EXOC3L4: variants seen among roughly 807,000 people sequenced by gnomAD.
The protein encoded by EXOC3L4 is exocyst complex component 3 like 4, also known as exocyst complex component 3-like protein 4.
Under a neutral mutation model 69.7 loss-of-function variants are expected in EXOC3L4, and 62 were observed. The observed-to-expected ratio is 0.89, with a 90% confidence interval of 0.72 to 1.10. The LOEUF (loss-of-function observed/expected upper bound fraction) is 1.10, where lower values mean the gene tolerates loss of function less well. Ranked by LOEUF, EXOC3L4 falls within the 50% of genes least tolerant of loss-of-function variation. The pLI, the probability that EXOC3L4 is intolerant of heterozygous loss-of-function variation, is 0.00. For synonymous variants in EXOC3L4, 502 were observed against 464.2 expected (o/e 1.08, Z -1.05); for missense variants, 1,087 against 1,034.8 (o/e 1.05, Z -0.69).
chr14:103,108,537 C>T lies in EXOC3L4; in HGVS notation c.1976+20C>T, dbSNP rs1157439801. On this transcript the variant is annotated intron_variant, in intron 11 of 11. Coordinates refer to ENST00000688303, the MANE Select transcript of EXOC3L4 (RefSeq NM_001077594.2). ...CATCAGGTGTGTACCCCACCTGCTT[C>T]CACTAGCTTCCTACCAGAGCTTCAG... 2 of 1,608,936 alleles carry T rather than the reference C, an allele frequency of 1.2e-6. No individual in the cohort carries two copies. Among genetic ancestry groups the T allele is most frequent in the East Asian group, 2.2e-5 (1 of 44,858 alleles).
At position 103,103,791 on chromosome 14, in the gene EXOC3L4, C is replaced by CGTGTGTGTGTGT. The variant is rs759189510; in HGVS notation, c.1050-149_1050-148insTGTGTGTGTGTG. On this transcript the variant is annotated intron_variant, in intron 3 of 11. Transcript: ENST00000688303. ...GGTGTGGCATGGCAGCCTAGAGGCG[C>CGTGTGTGTGTGT]GCGCGCGTGTGTGTGTGTGTGTGTG... The CGTGTGTGTGTGT allele has an allele frequency of 1.2e-4, 56 of 459,316 alleles. No individual in the cohort carries two copies. In the African/African-American group the frequency reaches 1.3e-3, roughly 11 times the overall value. 28.5% of individuals were successfully genotyped at this position (459,316 alleles called of 1,614,324 possible).
At position 103,110,466 on chromosome 14, in the gene EXOC3L4, C is replaced by CGGGGG; in HGVS notation, c.*248_*252dup. 1 of 574,112 alleles carries CGGGGG rather than the reference C, an allele frequency of 1.7e-6. No individual in the cohort carries two copies. Among genetic ancestry groups the CGGGGG allele is most frequent in the South Asian group, 1.7e-5 (1 of 60,560 alleles). The allele number at this position is 574,112 out of a possible 1,614,324, so 35.6% of individuals were successfully genotyped here. ...AGAGCTCTCAATGCTGCCTATCGGGCGGGGGGGGGCCTCCCGCCCGACTGT... is the reference window on the plus strand; with the variant it reads ...AGAGCTCTCAATGCTGCCTATCGGGCGGGGGGGGGGGGGGCCTCCCGCCCGACTGT... On this transcript the variant is annotated 3_prime_UTR_variant, in exon 12 of 12. Coordinates refer to ENST00000688303, the MANE Select transcript of EXOC3L4 (RefSeq NM_001077594.2).
chr14:103,109,939 A>T, intron 11 of EXOC3L4, 92 bp from the exon 12 acceptor site: 1 of 1,340,548 alleles, frequency 7.5e-7, no homozygotes, highest in Non-Finnish European at 1.0e-6. Flanking sequence ...AGTGACTCAT[A>T]CTAACTCCCA....
chr14:103,100,757 C>G, intron 2 of EXOC3L4, 144 bp downstream of exon 2: 1 of 1,162,014 alleles, frequency 8.6e-7, no homozygotes, highest in Non-Finnish European at 1.2e-6. Flanking sequence ...TTATTTGAGA[C>G]AGGGTCTCCA....
chr14:103,106,663 A>T (rs1168509660), intron 7 of EXOC3L4, 122 bp from the exon 8 acceptor site: 2 of 608,252 alleles, frequency 3.3e-6, no homozygotes, highest in East Asian at 5.9e-5. Context: ...GACAGCTACA[A>T]TGGGGAGCCC....
At position 103,103,635 on chromosome 14, in the gene EXOC3L4, C is replaced by G. The variant is rs538150100; in HGVS notation, c.1050-306C>G. On this transcript the variant is annotated intron_variant, in intron 3 of 11. Coordinates refer to ENST00000688303, the MANE Select transcript of EXOC3L4 (RefSeq NM_001077594.2). ...CCGTGTCCGCCCTGCTGTGGGCCTC[C>G]GTGCTGCGGGTTGGAGGGTGGCCGA... is the stretch of plus-strand genomic sequence containing the variant. The G allele has an allele frequency of 1.6e-4, 57 of 352,098 alleles. 1 individual carries two copies. In the South Asian group the frequency reaches 2.3e-3, roughly 14 times the overall value. 21.8% of individuals were successfully genotyped at this position (352,098 alleles called of 1,614,324 possible).
Position 103,108,496 on chromosome 14 carries a change from T to C in EXOC3L4, c.1955T>C (p.Ile652Thr). ...DDIQRHLETLIRSYPDIRRDH... is the reference protein window; with the variant it reads ...DDIQRHLETLTRSYPDIRRDH... Reference sequence around the variant, plus strand: ...ATCCAGCGGCACCTGGAGACTCTTATCCGGAGCTACCCCGACATCAGGTGT... The same window carrying C: ...ATCCAGCGGCACCTGGAGACTCTTACCCGGAGCTACCCCGACATCAGGTGT... Residue 652 changes from isoleucine to threonine, a missense_variant, in exon 11 of 12, where the codon ATC becomes ACC. Physicochemically the swap from Ile to Thr is moderately conservative, Grantham distance 89. Transcript: ENST00000688303. 6.2e-7 allele frequency: 1 copy of C among 1,613,882 alleles called. No individual in the cohort carries two copies. The highest frequency in any genetic ancestry group is 8.5e-7 in the Non-Finnish European group (1 of 1,179,844).
chr14:103,094,249 T>C (rs7160202), upstream of EXOC3L4, among the ~76,000 whole-genome samples: 122,644 of 152,058 alleles, frequency 0.81, 49,867 homozygotes, highest in African/African-American at 0.84. Context: ...GAATGGCATG[T>C]GGCTCTCAAC....
intron 1 of EXOC3L4, among the ~76,000 whole-genome samples, chr14:103,098,446 C>T (rs1348378135): frequency 1.3e-5 from 2 of 152,150 alleles, no homozygotes; most frequent in Non-Finnish European, 2.9e-5. Context: ...TCAGGTTCCT[C>T]ATCTGTGAAA....
At chr14:103,102,060 G>T in intron 2 of EXOC3L4, 58 bp from the exon 3 acceptor site, 1 of 1,519,486 alleles carries the variant, frequency 6.6e-7, no homozygotes, top group Non-Finnish European at 8.9e-7. Flanking sequence ...GCAGGTCTTC[G>T]TCCAGGTTCG....
At chr14:103,095,415 G>T (rs563880119) in intron 1 of EXOC3L4, among the ~76,000 whole-genome samples, 4 of 152,340 alleles carry the variant, frequency 2.6e-5, no homozygotes, top group South Asian at 4.1e-4. Flanking sequence ...AACATGGTAT[G>T]GGCTCAGCTG....
At chr14:103,108,151 T>A (rs1890679299) in intron 10 of EXOC3L4, among the ~76,000 whole-genome samples, 1 of 152,104 alleles carries the variant, frequency 6.6e-6, no homozygotes, top group Admixed American at 6.5e-5. Context: ...TGGCCTCGGT[T>A]TTCCTGTCCA....
rs1020236062 is a variant in EXOC3L4 at position 103,100,687 on chromosome 14, C to T, written c.394+74C>T. The T allele has an allele frequency of 2.5e-5, 37 of 1,477,844 alleles. No homozygotes were observed. The East Asian group carries it at 2.9e-4, about 11-fold the overall frequency. 91.5% of individuals were successfully genotyped at this position (1,477,844 alleles called of 1,614,324 possible). On this transcript the variant is annotated intron_variant, in intron 2 of 11. Coordinates refer to ENST00000688303, the MANE Select transcript of EXOC3L4 (RefSeq NM_001077594.2). ...GTCAGGGCAGCTCAGCTGAGGTTTC[C>T]GGAAAGGCTGTCCTCCCTAGCTCCC...
In EXOC3L4 at chr14:103,107,553, G is replaced by C. The variant is rs1303760265; in HGVS notation, c.1701+10G>C. 1.2e-6 allele frequency: 2 copies of C among 1,613,288 alleles called. No individual in the cohort carries two copies. Among genetic ancestry groups the C allele is most frequent in the Admixed American group, 1.7e-5 (1 of 60,008 alleles). On this transcript the variant is annotated intron_variant, in intron 9 of 11. Coordinates refer to ENST00000688303, the MANE Select transcript of EXOC3L4 (RefSeq NM_001077594.2). The stretch of plus-strand genomic sequence containing the variant: ...CCGGCCGCGGGCACAGGTACCACAA[G>C]GGGGAGGGCCCTGGCAGGGCTGTGC...
chr14:103,103,942 C>T lies in EXOC3L4; in HGVS notation c.1051C>T (p.Pro351Ser). The change falls in exon 4 of 12, where the codon CCT becomes TCT. Residue 351 changes from proline to serine, a missense_variant and splice_region_variant. Pro to Ser is a moderately conservative substitution (Grantham distance 74, BLOSUM62 -1). Transcript: ENST00000688303. ...CCAGCCCCCTGCCCTGTCTTCCAGT[C>T]CTGACTTCCTGGGCGCCCCGGGGCT... ...LDWAANVYGSPDFLGAPGLAL... is the reference protein window; with the variant it reads ...LDWAANVYGSSDFLGAPGLAL... 1 of 1,541,038 alleles carries T rather than the reference C, an allele frequency of 6.5e-7. No individual in the cohort carries two copies. Among genetic ancestry groups the T allele is most frequent in the Non-Finnish European group, 8.7e-7 (1 of 1,148,758 alleles).
At chr14:103,108,056 C>T (rs924503294) in intron 10 of EXOC3L4, among the ~76,000 whole-genome samples, 2 of 152,164 alleles carry the variant, frequency 1.3e-5, no homozygotes, top group Admixed American at 1.3e-4. Flanking sequence ...TGGGAGGTGT[C>T]CCCCACCTCA....
At chr14:103,106,671 C>G in intron 7 of EXOC3L4, 114 bp from the exon 8 acceptor site, 1 of 619,098 alleles carries the variant, frequency 1.6e-6, no homozygotes, top group Non-Finnish European at 2.8e-6. Flanking sequence ...CAATGGGGAG[C>G]CCCACGGGCT....
intron 8 of EXOC3L4, 79 bp from the exon 9 acceptor site, chr14:103,107,345 T>C: frequency 6.4e-7 from 1 of 1,560,068 alleles, no homozygotes; most frequent in Non-Finnish European, 8.7e-7. Flanking sequence ...GGGTCAGGAG[T>C]GGCACACTGG....
rs979043223 is a variant in EXOC3L4 at position 103,104,590 on chromosome 14, G to A, written c.1285-148G>A. 13 of 1,233,684 alleles carry A rather than the reference G, an allele frequency of 1.1e-5. No homozygotes were observed. In the African/African-American group the frequency reaches 2.1e-4, roughly 20 times the overall value. 76.4% of individuals were successfully genotyped at this position (1,233,684 alleles called of 1,614,324 possible). A position where few individuals can be genotyped will look rare whatever the true frequency, so the allele number is the denominator to read the frequency against. ...TGCTGGATGGGAGTTTGCGGGAGTT[G>A]ACTCTCCAGTTGGGCGGCTGAAAGC... is the stretch of plus-strand genomic sequence containing the variant. On this transcript the variant is annotated intron_variant, in intron 5 of 11. Coordinates refer to ENST00000688303, the MANE Select transcript of EXOC3L4 (RefSeq NM_001077594.2).
Sources: gnomAD v4.1 joint callset for allele counts (sites outside exome capture counted in the v4.1 genomes callset) on GRCh38, gnomAD v4.1.1 for gene constraint, MANE v1.5 for transcripts, NCBI Gene and HGNC (gene_info 2026-07-23, HGNC 2026-07-21) for gene names.